DSCAML1: variants seen among roughly 807,000 people sequenced by gnomAD.
DSCAML1 encodes the protein cell adhesion molecule DSCAML1.
Under a neutral mutation model 200.5 loss-of-function variants are expected in DSCAML1, and 38 were observed. That is an observed-to-expected ratio of 0.19 (90% confidence interval 0.15 to 0.25). The LOEUF (loss-of-function observed/expected upper bound fraction) is 0.25, where lower values mean the gene tolerates loss of function less well. Ranked by LOEUF, DSCAML1 falls within the 10% of genes least tolerant of loss-of-function variation. DSCAML1 has a pLI of 1.00. For missense variants in DSCAML1, 2,223 were observed against 2,858.8 expected, an observed-to-expected ratio of 0.78 and a Z score of 5.07; for synonymous variants, 1,215 against 1,165.0, an observed-to-expected ratio of 1.04 and a Z score of -0.87.
chr11:117,780,644 C>T lies in DSCAML1; in HGVS notation c.213G>A (p.Pro71=), dbSNP rs564744017. Reference sequence around the variant, plus strand: ...CGTTGGCGTGGACGTGCCGGATGTGCGGCACGTCGTAGATGTCGTCCCCTG... The same window carrying T: ...CGTTGGCGTGGACGTGCCGGATGTGTGGCACGTCGTAGATGTCGTCCCCTG... ...LATGDDIYDV[P]HIRHVHANGT... The change falls in exon 2 of 33, where the codon CCG becomes CCA. Residue 71 remains proline (P), a synonymous_variant. Coordinates refer to ENST00000651296, the MANE Select transcript of DSCAML1 (RefSeq NM_020693.4). The surrounding 1 kb of genome is among the most constrained non-coding windows in gnomAD (Gnocchi z 4.8). The T allele has an allele frequency of 1.1e-5, 18 of 1,588,488 alleles. No individual in the cohort carries two copies. The Admixed American group carries it at 2.1e-4, about 19-fold the overall frequency.
intron 3 of DSCAML1, among the ~76,000 whole-genome samples, chr11:117,653,591 C>T (rs1377782331): frequency 6.6e-6 from 1 of 152,204 alleles, no homozygotes; most frequent in Non-Finnish European, 1.5e-5. Context: ...CTGGACCCCT[C>T]ACACCCTGCT....
chr11:117,661,258 G>A (rs1166711805), intron 3 of DSCAML1, among the ~76,000 whole-genome samples: 1 of 152,184 alleles, frequency 6.6e-6, no homozygotes, highest in Non-Finnish European at 1.5e-5. Context: ...ACCAGACAGA[G>A]GCACCTCAGA....
chr11:117,735,356 G>A (rs187444583), intron 3 of DSCAML1, among the ~76,000 whole-genome samples: 71 of 152,292 alleles, frequency 4.7e-4, no homozygotes, highest in Middle Eastern at 3.4e-3. Flanking sequence ...AAATCTCACA[G>A]GGCATGTATT....
At position 117,428,504 on chromosome 11, in the gene DSCAML1, G is replaced by A. The variant is rs2047709735; in HGVS notation, c.5986C>T (p.Pro1996Ser). 6.6e-7 allele frequency: 1 copy of A among 1,514,442 alleles called. No individual in the cohort carries two copies. Among genetic ancestry groups the A allele is most frequent in the South Asian group, 1.3e-5 (1 of 78,664 alleles). The allele number at this position is 1,514,442 out of a possible 1,614,324, so 93.8% of individuals were successfully genotyped here. The change falls in exon 33 of 33, where the codon CCC becomes TCC. Residue 1996 changes from proline to serine, a missense_variant. By Grantham distance (74) the Pro-to-Ser change is moderately conservative. Transcript: ENST00000651296. ...GGAGGGGCAGCGCTGGGGGCGGTGG[G>A]TGGCTCAGCAGGGGTGGGGCCGGGG... ...PAPGPTPAEP[P>S]TAPSAAPPAP...
intron 3 of DSCAML1, among the ~76,000 whole-genome samples, chr11:117,674,511 A>G (rs1460221469): frequency 6.6e-6 from 1 of 152,092 alleles, no homozygotes; most frequent in Non-Finnish European, 1.5e-5. Context: ...CGTCCTCATG[A>G]TTGGGGCCAT....
intron 3 of DSCAML1, among the ~76,000 whole-genome samples, chr11:117,733,657 C>T (rs2054264508): frequency 6.6e-6 from 1 of 152,244 alleles, no homozygotes; most frequent in Non-Finnish European, 1.5e-5. Context: ...CCCTTCTAGA[C>T]CTCAGGTCTC....
intron 3 of DSCAML1, among the ~76,000 whole-genome samples, chr11:117,593,177 C>T (rs1055101909): frequency 1.3e-5 from 2 of 152,142 alleles, no homozygotes; most frequent in African/African-American, 2.4e-5. Context: ...GTCCTGCCCT[C>T]GGCGGTGCCC....
At chr11:117,608,052 T>C (rs779355694) in intron 3 of DSCAML1, among the ~76,000 whole-genome samples, 1 of 152,352 alleles carries the variant, frequency 6.6e-6, no homozygotes, top group Middle Eastern at 3.4e-3. Context: ...TACATTGTAG[T>C]GGGTAAATTC....
chr11:117,672,769 G>C (rs920162645), intron 3 of DSCAML1, among the ~76,000 whole-genome samples: 6 of 152,188 alleles, frequency 3.9e-5, no homozygotes, highest in Non-Finnish European at 7.3e-5. Flanking sequence ...CAGCATACTT[G>C]TTAAACTGAT....
At chr11:117,590,922 G>C (rs1364479055) in intron 3 of DSCAML1, among the ~76,000 whole-genome samples, 1 of 152,250 alleles carries the variant, frequency 6.6e-6, no homozygotes, top group Admixed American at 6.5e-5. Context: ...GTATGTAGGA[G>C]AGAAATCACC....
In DSCAML1 at chr11:117,435,681, G is replaced by C; in HGVS notation, c.4839C>G (p.Arg1613=). ...TCAGCCGTTTCTCCTTCCTCTTCTT[G>C]CGTACGATGAAGAGCAGTGCCACCC... ...TLGVALLFIV[R]KKRKEKRLKR... The change falls in exon 27 of 33, where the codon CGC becomes CGG. Residue 1613 remains arginine, a synonymous_variant. Coordinates refer to ENST00000651296, the MANE Select transcript of DSCAML1 (RefSeq NM_020693.4). 1 of 1,607,274 alleles carries C rather than the reference G, an allele frequency of 6.2e-7. No homozygotes were observed. The highest frequency in any genetic ancestry group is 8.5e-7 in the Non-Finnish European group (1 of 1,174,760).
chr11:117,481,283 C>A lies in DSCAML1; in HGVS notation c.2560-13G>T. 6.2e-7 allele frequency: 1 copy of A among 1,613,200 alleles called. No homozygotes were observed. Among genetic ancestry groups the A allele is most frequent in the Non-Finnish European group, 8.5e-7 (1 of 1,179,660 alleles). ...CAGCGGGCTTGAGCTGGGAGACCAC[C>A]AGCAGGGGCAGGAGAGGGAGTAAAC... On this transcript the variant is annotated splice_polypyrimidine_tract_variant and intron_variant, in intron 12 of 32. Transcript: ENST00000651296.
chr11:117,610,754 T>C (rs1369207678), intron 3 of DSCAML1, among the ~76,000 whole-genome samples: 1 of 151,980 alleles, frequency 6.6e-6, no homozygotes, highest in Non-Finnish European at 1.5e-5. Context: ...TATTCATTTA[T>C]TTAACTACTC....
At chr11:117,442,032 ATGTGTGTGTG>A (rs3057896) in intron 21 of DSCAML1, among the ~76,000 whole-genome samples, 1 of 143,732 alleles carries the variant, frequency 7.0e-6, no homozygotes, top group African/African-American at 2.7e-5. Flanking sequence ...GAGTGTGTGT[ATGTGTGTGTG>A]TGTGTTAGTG....
At chr11:117,562,743 C>A (rs2050687453) in intron 3 of DSCAML1, among the ~76,000 whole-genome samples, 1 of 152,118 alleles carries the variant, frequency 6.6e-6, no homozygotes, top group Admixed American at 6.5e-5. Flanking sequence ...CCTTGTTTTT[C>A]TTTTTCTGTT....
chr11:117,719,467 G>T (rs926834123), intron 3 of DSCAML1, among the ~76,000 whole-genome samples: 11 of 152,268 alleles, frequency 7.2e-5, no homozygotes, highest in African/African-American at 2.4e-4. Flanking sequence ...AGGAAAGAAA[G>T]CAAGCTCAGA....
chr11:117,626,220 G>T (rs2052044571), intron 3 of DSCAML1, among the ~76,000 whole-genome samples: 1 of 143,112 alleles, frequency 7.0e-6, no homozygotes, highest in African/African-American at 2.6e-5. Flanking sequence ...TCCTTCTTCT[G>T]GCATGAGACC....
chr11:117,664,388 G>C (rs1226102155), intron 3 of DSCAML1, among the ~76,000 whole-genome samples: 1 of 152,156 alleles, frequency 6.6e-6, no homozygotes, highest in African/African-American at 2.4e-5. Context: ...AGAGGGTGGG[G>C]ACTTTGAATC....
chr11:117,476,992 C>T (rs937457635), intron 14 of DSCAML1, among the ~76,000 whole-genome samples: 1 of 152,060 alleles, frequency 6.6e-6, no homozygotes, highest in Non-Finnish European at 1.5e-5. Context: ...TGCTAGGCAC[C>T]TCCATGTATG....
Sources: allele counts gnomAD v4.1 joint callset (sites outside exome capture counted in the v4.1 genomes callset), GRCh38; gene constraint gnomAD v4.1.1; non-coding constraint Gnocchi (gnomAD v3.1); transcripts MANE v1.5; gene names NCBI Gene and HGNC (gene_info 2026-07-23, HGNC 2026-07-21).